The following TBC1D2 variants were observed in gnomAD, a reference collection of about 807,000 sequenced individuals.
The protein encoded by TBC1D2 is TBC1 domain family member 2.
In TBC1D2, 58 loss-of-function variants were observed where a neutral mutation model predicts 91.1. The observed-to-expected ratio is 0.64, with a 90% CI of 0.52 to 0.79. The LOEUF (loss-of-function observed/expected upper bound fraction) is 0.79, where lower values mean the gene tolerates loss of function less well. Ranked by LOEUF, TBC1D2 falls within the 30% of genes least tolerant of loss-of-function variation. TBC1D2 has a pLI of 0.00. For synonymous variants in TBC1D2, 482 were observed against 511.5 expected (o/e 0.94, Z 0.78); for missense variants, 1,080 against 1,208.3 (o/e 0.89, Z 1.57).
In TBC1D2 at chr9:98,210,702, C is replaced by T. The variant is rs1588035276; in HGVS notation, c.1627G>A (p.Glu543Lys). ...CTGTCAGATGAGGCCTCCCCAGCTT[C>T]CCACTGCAGTGCCTCCTGGACAAGC... ...RQLVQEALQW[E>K]AGEASSDSIE... Residue 543 changes from glutamate to lysine, a missense_variant, in exon 8 of 13, where the codon GAA becomes AAA. Physicochemically the swap from Glu to Lys is moderately conservative, Grantham distance 56. Coordinates refer to ENST00000465784, the MANE Select transcript of TBC1D2 (RefSeq NM_001267571.2). 1.2e-6 allele frequency: 2 copies of T among 1,603,156 alleles called. No individual in the cohort carries two copies. The highest frequency in any genetic ancestry group is 8.5e-7 in the Non-Finnish European group (1 of 1,174,910).
rs1431415297 is a variant in TBC1D2 at position 98,199,510 on chromosome 9, C to G, written c.2658G>C (p.Arg886=). Residue 886 remains arginine (R), a synonymous_variant, in exon 13 of 13, where the codon CGG becomes CGC. Coordinates refer to ENST00000465784, the MANE Select transcript of TBC1D2 (RefSeq NM_001267571.2). ...KQLRQLRMVH[R]ERLEAELREL... Reference sequence around the variant, plus strand: ...CCCGCAGCTCAGCCTCCAGCCGCTCCCGGTGGACCATGCGCAGCTGCCGCA... The same window carrying G: ...CCCGCAGCTCAGCCTCCAGCCGCTCGCGGTGGACCATGCGCAGCTGCCGCA... 1 of 1,614,194 alleles carries G rather than the reference C, an allele frequency of 6.2e-7. No individual in the cohort carries two copies. Among genetic ancestry groups the G allele is most frequent in the Admixed American group, 1.7e-5 (1 of 60,028 alleles).
In TBC1D2 at chr9:98,213,140, C is replaced by T; in HGVS notation, c.1453G>A (p.Val485Met). The part of the protein sequence containing the change: ...IHQVTKIWRK[V>M]AEKEKALLTK... The stretch of plus-strand genomic sequence containing the variant: ...AGAAGGGCCTTCTCCTTCTCAGCCA[C>T]CTTTCTCCAGATCTTTGTGACCTGG... The change falls in exon 7 of 13, where the codon GTG becomes ATG. Residue 485 changes from valine (V) to methionine (M), a missense_variant. Physicochemically the swap from Val to Met is conservative, Grantham distance 21. Transcript: ENST00000465784. The T allele has an allele frequency of 6.2e-7, 1 of 1,614,130 alleles. No individual in the cohort carries two copies. The highest frequency in any genetic ancestry group is 8.5e-7 in the Non-Finnish European group (1 of 1,180,032).
rs977764020 is a variant in TBC1D2 at position 98,209,537 on chromosome 9, C to T, written c.1674-393G>A. ...AACCCCACTTACCACAGCCAGTAAG[C>T]GCAGGGGTGGACGGGGAACAGACAG... On this transcript the variant is annotated intron_variant, in intron 8 of 12. Coordinates refer to ENST00000465784, the MANE Select transcript of TBC1D2 (RefSeq NM_001267571.2). 7.2e-5 allele frequency among the ~76,000 whole-genome samples: 11 copies of T among 152,278 alleles called. No individual in the cohort carries two copies. The East Asian group carries it at 1.2e-3, about 16-fold the overall frequency.
At chr9:98,240,165 T>G (rs10985571) in intron 3 of TBC1D2, among the ~76,000 whole-genome samples, 1 of 90,938 alleles carries the variant, frequency 1.1e-5, no homozygotes, top group Non-Finnish European at 2.2e-5. Context: ...TGTGTTTGTG[T>G]GGTGTGTGTG....
intron 3 of TBC1D2, among the ~76,000 whole-genome samples, chr9:98,238,183 C>T (rs1324882774): frequency 1.5e-5 from 2 of 136,600 alleles, no homozygotes; most frequent in Non-Finnish European, 3.0e-5. Context: ...GGATTACAGG[C>T]GTGAGCCCCT....
intron 4 of TBC1D2, among the ~76,000 whole-genome samples, chr9:98,231,735 T>C (rs987315971): frequency 6.6e-6 from 1 of 152,338 alleles, no homozygotes; most frequent in Non-Finnish European, 1.5e-5. Context: ...CTTCCATGCC[T>C]CAGTTTCCTT....
intron 3 of TBC1D2, among the ~76,000 whole-genome samples, chr9:98,239,077 G>C (rs767319261): frequency 2.0e-5 from 3 of 151,584 alleles, no homozygotes; most frequent in Admixed American, 6.6e-5. Context: ...CTATTATTTA[G>C]AGACAGTGTC....
intron 8 of TBC1D2, 131 bp from the exon 9 acceptor site, chr9:98,209,275 C>G: frequency 1.2e-6 from 1 of 805,570 alleles, no homozygotes; most frequent in Middle Eastern, 3.4e-4. Context: ...CAGCTCTGGG[C>G]AGGTCACTTC....
chr9:98,234,917 G>A, intron 3 of TBC1D2: 1 of 198,928 alleles, frequency 5.0e-6, no homozygotes, highest in Admixed American at 4.7e-5. Context: ...GTAAAGATCT[G>A]GGATATGGCT....
intron 8 of TBC1D2, 101 bp downstream of exon 8, chr9:98,210,555 T>C: frequency 2.6e-6 from 3 of 1,133,118 alleles, no homozygotes; most frequent in Non-Finnish European, 3.7e-6. Flanking sequence ...GAGGTAGTGC[T>C]GTGTAGGACT....
intron 7 of TBC1D2, 68 bp from the exon 8 acceptor site, chr9:98,210,911 G>GAGGCCTA (rs1828821609): frequency 7.0e-7 from 1 of 1,438,732 alleles, no homozygotes; most frequent in Non-Finnish European, 9.4e-7. Context: ...CCTGAGGCCT[G>GAGGCCTA]AACAGCTTTA....
intron 7 of TBC1D2, among the ~76,000 whole-genome samples, chr9:98,212,575 C>T (rs1828873674): frequency 1.3e-5 from 2 of 151,988 alleles, no homozygotes; most frequent in African/African-American, 2.4e-5. Flanking sequence ...AATCTCGGCT[C>T]ACTGCAAGCT....
At chr9:98,253,400 T>G (rs898609585) in intron 1 of TBC1D2, among the ~76,000 whole-genome samples, 10 of 152,160 alleles carry the variant, frequency 6.6e-5, no homozygotes, top group Non-Finnish European at 1.5e-4. Flanking sequence ...GCTGTCACTC[T>G]CTTCTGATCA....
intron 9 of TBC1D2, among the ~76,000 whole-genome samples, chr9:98,204,008 T>C (rs10818607): frequency 0.16 from 24,940 of 152,122 alleles, 2,496 homozygotes; most frequent in South Asian, 0.27. Context: ...TCAATGCACA[T>C]AGCTTTTTTT....
At position 98,199,174 on chromosome 9, in the gene TBC1D2, G is replaced by A; in HGVS notation, c.*207C>T. 1 of 625,518 alleles carries A rather than the reference G, an allele frequency of 1.6e-6. No individual in the cohort carries two copies. Among genetic ancestry groups the A allele is most frequent in the Non-Finnish European group, 2.8e-6 (1 of 357,600 alleles). 38.7% of individuals were successfully genotyped at this position (625,518 alleles called of 1,614,324 possible). On this transcript the variant is annotated 3_prime_UTR_variant, in exon 13 of 13. Transcript: ENST00000465784. ...ACGAAAGGGTGGCATCCCTGGGTAA[G>A]TAAGTGCCTATGAAGAAGTAGCCCA...
At chr9:98,211,352 C>A (rs908507151) in intron 7 of TBC1D2, among the ~76,000 whole-genome samples, 5 of 152,072 alleles carry the variant, frequency 3.3e-5, no homozygotes, top group Non-Finnish European at 7.4e-5. Flanking sequence ...GCCCTCATGC[C>A]CTCTGCTGCT....
At chr9:98,249,851 G>A (rs1257037615) in intron 2 of TBC1D2, among the ~76,000 whole-genome samples, 1 of 152,032 alleles carries the variant, frequency 6.6e-6, no homozygotes, top group African/African-American at 2.4e-5. Context: ...ATGCTAAGGG[G>A]TTTACATTCC....
At chr9:98,223,541 G>A (rs1829149898) in intron 5 of TBC1D2, among the ~76,000 whole-genome samples, 1 of 152,218 alleles carries the variant, frequency 6.6e-6, no homozygotes, top group Non-Finnish European at 1.5e-5. Flanking sequence ...GAGATTTGGA[G>A]GTTACCTTGG....
At chr9:98,234,417 A>G (rs1178304315) in intron 3 of TBC1D2, among the ~76,000 whole-genome samples, 1 of 152,222 alleles carries the variant, frequency 6.6e-6, no homozygotes, top group Admixed American at 6.5e-5. Flanking sequence ...TTGCAAAGAG[A>G]TAAGATTAAT....
Sources: allele counts gnomAD v4.1 joint callset (sites outside exome capture counted in the v4.1 genomes callset), GRCh38; gene constraint gnomAD v4.1.1; transcripts MANE v1.5; gene names NCBI Gene and HGNC (gene_info 2026-07-23, HGNC 2026-07-21).